WDPCP: variants seen among roughly 807,000 people sequenced by gnomAD.
WDPCP encodes WD repeat-containing and planar cell polarity effector protein fritz homolog.
In WDPCP, 71 loss-of-function variants were observed where a neutral mutation model predicts 93.1. That is an observed-to-expected ratio of 0.76 (90% CI 0.63 to 0.93). The LOEUF (loss-of-function observed/expected upper bound fraction) is 0.93. WDPCP is among the 40% of genes least tolerant of loss of function. The pLI is 0.00. For synonymous variants in WDPCP, 315 were observed against 315.0 expected, an observed-to-expected ratio of 1.00 and a Z score of 0.00; for missense variants, 844 against 887.4, an observed-to-expected ratio of 0.95 and a Z score of 0.62.
At chr2:63,253,134 C>T (rs190011252) in intron 14 of WDPCP, among the ~76,000 whole-genome samples, 10 of 151,992 alleles carry the variant, frequency 6.6e-5, no homozygotes, top group Admixed American at 2.0e-4. Context: ...ATCTGATCTT[C>T]GACAGTCAAG....
chr2:63,376,628 A>G (rs887778449), intron 12 of WDPCP, among the ~76,000 whole-genome samples: 2 of 151,896 alleles, frequency 1.3e-5, no homozygotes, highest in Admixed American at 1.3e-4. Flanking sequence ...AATTTTCCCC[A>G]GAAACAGAGA....
intron 10 of WDPCP, among the ~76,000 whole-genome samples, chr2:63,383,070 C>T (rs1241401104): frequency 6.6e-6 from 1 of 151,960 alleles, no homozygotes; most frequent in South Asian, 2.1e-4. Flanking sequence ...AGAAAGAACT[C>T]ATCTATTGAG....
intron 13 of WDPCP, among the ~76,000 whole-genome samples, chr2:63,273,859 T>G (rs568627102): frequency 2.2e-4 from 34 of 151,342 alleles, no homozygotes; most frequent in African/African-American, 7.8e-4. Flanking sequence ...AGAACAAATA[T>G]TGTTACATAT....
intron 14 of WDPCP, among the ~76,000 whole-genome samples, chr2:63,243,587 C>A (rs1181842984): frequency 6.6e-6 from 1 of 151,994 alleles, no homozygotes; most frequent in Admixed American, 6.6e-5. Context: ...GACTTTAAAC[C>A]AGCAAGCATC....
chr2:63,831,935 G>A (rs917537534), upstream of WDPCP, among the ~76,000 whole-genome samples: 3 of 152,214 alleles, frequency 2.0e-5, no homozygotes, highest in African/African-American at 7.2e-5. Context: ...GTCCCATCTT[G>A]TGGAAAGATG....
At chr2:63,483,314 G>C (rs1045037496) in intron 6 of WDPCP, among the ~76,000 whole-genome samples, 5 of 151,916 alleles carry the variant, frequency 3.3e-5, no homozygotes, top group Admixed American at 1.3e-4. Flanking sequence ...TTGTATTCAA[G>C]TTTTAAAGTC....
intron 14 of WDPCP, among the ~76,000 whole-genome samples, chr2:63,255,417 C>A (rs532704966): frequency 3.4e-4 from 52 of 152,250 alleles, no homozygotes; most frequent in African/African-American, 1.2e-3. Flanking sequence ...GGAGGTAGGG[C>A]CTCATGGGAG....
chr2:63,717,890 T>A (rs553241194), intron 2 of WDPCP: 1 of 154,894 alleles, frequency 6.5e-6, no homozygotes, highest in Non-Finnish European at 1.4e-5. Flanking sequence ...TGATGAGGGG[T>A]TGTGAATTCT....
chr2:63,197,110 G>A (rs1675494781), intron 14 of WDPCP, among the ~76,000 whole-genome samples: 1 of 152,008 alleles, frequency 6.6e-6, no homozygotes, highest in Non-Finnish European at 1.5e-5. Flanking sequence ...CCTCCTTCAT[G>A]TATTCTGCCT....
In WDPCP at chr2:63,307,519, G is replaced by C. The variant is rs774286688; in HGVS notation, c.1812+5729C>G. 5.9e-5 allele frequency among the ~76,000 whole-genome samples: 9 copies of C among 152,142 alleles called. 1 individual carries two copies. The highest frequency in any genetic ancestry group is 3.3e-4 in the Admixed American group (5 of 15,260). Reference sequence around the variant, plus strand: ...ACAAGTCTACGGTAAACAAAACAGCGTGGTACTGGTACCAAAAACAGATAT... The same window carrying C: ...ACAAGTCTACGGTAAACAAAACAGCCTGGTACTGGTACCAAAAACAGATAT... On this transcript the variant is annotated intron_variant, in intron 13 of 17. Transcript: ENST00000272321.
chr2:63,566,753 T>C (rs1218374682), intron 1 of WDPCP, among the ~76,000 whole-genome samples: 1 of 152,188 alleles, frequency 6.6e-6, no homozygotes, highest in Admixed American at 6.5e-5. Flanking sequence ...AAGAGCTCAG[T>C]CCCACAAGAC....
intron 2 of WDPCP, among the ~76,000 whole-genome samples, chr2:63,803,222 T>C (rs1670719577): frequency 1.3e-5 from 2 of 152,194 alleles, no homozygotes; most frequent in South Asian, 2.1e-4. Flanking sequence ...CTGGCAGAGA[T>C]ACCAACCCTA....
At chr2:63,173,135 G>C (rs182312523) in intron 15 of WDPCP, among the ~76,000 whole-genome samples, 1 of 152,040 alleles carries the variant, frequency 6.6e-6, no homozygotes, top group Non-Finnish European at 1.5e-5. Context: ...GGGCACAGTG[G>C]TGGGCACCTG....
chr2:63,288,839 T>G (rs988936129), intron 13 of WDPCP, among the ~76,000 whole-genome samples: 1 of 152,178 alleles, frequency 6.6e-6, no homozygotes, highest in Non-Finnish European at 1.5e-5. Flanking sequence ...TCTTTGCTCT[T>G]ACTTTCTATG....
At chr2:63,240,759 G>GA (rs888016905) in intron 14 of WDPCP, among the ~76,000 whole-genome samples, 1 of 152,140 alleles carries the variant, frequency 6.6e-6, no homozygotes, top group African/African-American at 2.4e-5. Context: ...GTAAAGCAGA[G>GA]AAAGAGGTTT....
At chr2:63,457,849 G>C (rs115388931) in intron 6 of WDPCP, among the ~76,000 whole-genome samples, 2,512 of 152,204 alleles carry the variant, frequency 0.017, 82 homozygotes, top group African/African-American at 0.058. Flanking sequence ...CTAAAAACTG[G>C]AATACGGTGG....
chr2:63,712,527 G>T (rs1285310688), intron 2 of WDPCP, among the ~76,000 whole-genome samples: 1 of 152,158 alleles, frequency 6.6e-6, no homozygotes, highest in Non-Finnish European at 1.5e-5. Context: ...AGGAGAGATT[G>T]AGACTTAAGG....
intron 3 of WDPCP, among the ~76,000 whole-genome samples, chr2:63,638,442 T>A (rs756619368): frequency 2.0e-5 from 3 of 152,170 alleles, no homozygotes; most frequent in African/African-American, 4.8e-5. Flanking sequence ...CATCATCTTG[T>A]ACACTTTAAA....
At chr2:63,540,305 T>C (rs1342114752) in intron 1 of WDPCP, among the ~76,000 whole-genome samples, 1 of 152,226 alleles carries the variant, frequency 6.6e-6, no homozygotes, top group Non-Finnish European at 1.5e-5. Flanking sequence ...AACACAATTA[T>C]TCTAATGAAT....
Sources: allele counts gnomAD v4.1 joint callset (sites outside exome capture counted in the v4.1 genomes callset), GRCh38; gene constraint gnomAD v4.1.1; transcripts MANE v1.5; gene names NCBI Gene and HGNC (gene_info 2026-07-23, HGNC 2026-07-21).